KIAA1217: variants seen among roughly 807,000 people sequenced by gnomAD.
KIAA1217 encodes the protein sickle tail protein homolog.
In KIAA1217, 88 loss-of-function variants were observed where a neutral mutation model predicts 163.9. The observed-to-expected ratio is 0.54, with a 90% confidence interval of 0.45 to 0.64. The LOEUF (loss-of-function observed/expected upper bound fraction) is 0.64. KIAA1217 is among the 30% of genes least tolerant of loss of function. The pLI is 0.00. For missense variants in KIAA1217, 2,372 were observed against 2,475.0 expected (o/e 0.96, Z 0.88); for synonymous variants, 903 against 923.1 (o/e 0.98, Z 0.39).
chr10:24,333,095 C>A (rs1446316261), intron 2 of KIAA1217, among the ~76,000 whole-genome samples: 1 of 150,130 alleles, frequency 6.7e-6, no homozygotes, highest in African/African-American at 2.5e-5. Flanking sequence ...GATCTCGGCT[C>A]ACTGCAACCT....
intron 2 of KIAA1217, among the ~76,000 whole-genome samples, chr10:24,177,100 C>G (rs1392965566): frequency 9.9e-5 from 15 of 151,652 alleles, no homozygotes; most frequent in Admixed American, 6.6e-5. Flanking sequence ...TCCCCACAAG[C>G]ACAGGGAGCC....
At chr10:24,430,335 T>C (rs2059500739) in intron 3 of KIAA1217, among the ~76,000 whole-genome samples, 1 of 152,092 alleles carries the variant, frequency 6.6e-6, no homozygotes, top group South Asian at 2.1e-4. Context: ...CCATCTTCTG[T>C]GGATGTGATG....
Position 23,783,267 on chromosome 10 carries a change from T to A in KIAA1217, c.-321+88033T>A, listed in dbSNP as rs544950807. On this transcript the variant is annotated intron_variant, in intron 1 of 18. Coordinates refer to the KIAA1217 transcript ENST00000376462. The stretch of plus-strand genomic sequence containing the variant: ...TTGCGTTGGGCCACATTTAAAGCTA[T>A]CCTGGCCTGCATGTGGCCCATGGGA... Among the ~76,000 whole-genome samples the A allele has an allele frequency of 3.9e-5, 6 of 152,322 alleles. No homozygotes were observed. In the East Asian group the frequency reaches 9.6e-4, roughly 24 times the overall value.
At chr10:23,915,803 G>A (rs1430323626) in intron 1 of KIAA1217, among the ~76,000 whole-genome samples, 3 of 152,170 alleles carry the variant, frequency 2.0e-5, no homozygotes, top group African/African-American at 7.2e-5. Context: ...TTTGGGCAGA[G>A]AGGAATACCT....
intron 2 of KIAA1217, among the ~76,000 whole-genome samples, chr10:24,164,047 A>G (rs946683930): frequency 6.6e-5 from 10 of 152,192 alleles, no homozygotes; most frequent in African/African-American, 1.9e-4. Context: ...AAGTCTAAAG[A>G]GACAGCTGCA....
chr10:24,132,706 C>G (rs796965462), intron 2 of KIAA1217, among the ~76,000 whole-genome samples: 7 of 152,248 alleles, frequency 4.6e-5, no homozygotes, highest in African/African-American at 1.7e-4. Context: ...ATACATGAAA[C>G]ATTTGTCAGC....
chr10:24,291,774 A>G (rs940375066), intron 2 of KIAA1217, among the ~76,000 whole-genome samples: 2 of 152,190 alleles, frequency 1.3e-5, no homozygotes, highest in African/African-American at 4.8e-5. Context: ...GAGAAAAAAA[A>G]AATCTAAGGA....
intron 1 of KIAA1217, among the ~76,000 whole-genome samples, chr10:23,860,799 C>T (rs1397842817): frequency 6.6e-6 from 1 of 151,854 alleles, no homozygotes; most frequent in Non-Finnish European, 1.5e-5. Flanking sequence ...GGAAAGTGCT[C>T]TCCATTCCTG....
intron 1 of KIAA1217, among the ~76,000 whole-genome samples, chr10:23,703,751 T>C (rs1836648313): frequency 6.6e-6 from 1 of 151,838 alleles, no homozygotes; most frequent in African/African-American, 2.4e-5. Context: ...TTCTTCTTGG[T>C]AAATGTAGAG....
chr10:24,417,510 G>A (rs988468802), intron 3 of KIAA1217, among the ~76,000 whole-genome samples: 8 of 152,192 alleles, frequency 5.3e-5, no homozygotes, highest in Admixed American at 3.9e-4. Flanking sequence ...GATGGGAATT[G>A]TTTCCCTAAA....
chr10:24,417,854 G>A (rs2058391238), intron 3 of KIAA1217, among the ~76,000 whole-genome samples: 1 of 103,590 alleles, frequency 9.7e-6, no homozygotes, highest in South Asian at 2.9e-4. Context: ...TCAAAGAATA[G>A]CTTGATTTTT....
At chr10:23,748,984 C>T (rs74773025) in intron 1 of KIAA1217, among the ~76,000 whole-genome samples, 6,823 of 152,258 alleles carry the variant, frequency 0.045, 231 homozygotes, top group South Asian at 0.082. Context: ...CTGCCACCAT[C>T]CACCCCTGGC....
intron 2 of KIAA1217, among the ~76,000 whole-genome samples, chr10:24,030,333 A>T (rs1437888988): frequency 6.6e-6 from 1 of 151,972 alleles, no homozygotes; most frequent in Non-Finnish European, 1.5e-5. Flanking sequence ...GTGGTTTCCC[A>T]CTTGCTGTTC....
At chr10:24,096,236 A>G (rs995075289) in intron 2 of KIAA1217, among the ~76,000 whole-genome samples, 5 of 152,206 alleles carry the variant, frequency 3.3e-5, no homozygotes, top group Non-Finnish European at 7.3e-5. Flanking sequence ...AAAAGCTTAG[A>G]CATTATCCTT....
At chr10:24,432,904 C>A in intron 3 of KIAA1217, 91 bp from the exon 4 acceptor site, 1 of 976,740 alleles carries the variant, frequency 1.0e-6, no homozygotes, top group Non-Finnish European at 1.6e-6. Flanking sequence ...CCTGAACGTT[C>A]CTAAGTGCAG....
chr10:24,007,794 T>A (rs1001880710), intron 2 of KIAA1217, among the ~76,000 whole-genome samples: 2 of 152,274 alleles, frequency 1.3e-5, no homozygotes, highest in East Asian at 3.9e-4. Flanking sequence ...ATGGAGGGAA[T>A]AGAATGAATC....
intron 2 of KIAA1217, among the ~76,000 whole-genome samples, chr10:24,239,962 T>G (rs892457926): frequency 3.3e-5 from 5 of 152,138 alleles, no homozygotes; most frequent in Non-Finnish European, 7.3e-5. Context: ...GGAAGCAGGA[T>G]TTCTAAATTC....
chr10:24,032,789 G>A (rs796576671), intron 2 of KIAA1217, among the ~76,000 whole-genome samples: 6 of 152,174 alleles, frequency 3.9e-5, no homozygotes, highest in East Asian at 1.9e-4. Context: ...TAGATTATAC[G>A]TTCAATAATA....
At chr10:24,080,734 T>C (rs1055450604) in intron 2 of KIAA1217, among the ~76,000 whole-genome samples, 6 of 152,166 alleles carry the variant, frequency 3.9e-5, no homozygotes, top group Non-Finnish European at 8.8e-5. Context: ...AATATATGCA[T>C]TTTGGTATGT....
Sources: gnomAD v4.1 joint callset for allele counts (sites outside exome capture counted in the v4.1 genomes callset) on GRCh38, gnomAD v4.1.1 for gene constraint, MANE v1.5 for transcripts, NCBI Gene and HGNC (gene_info 2026-07-23, HGNC 2026-07-21) for gene names.